Variants in SEC16B observed in about 807,000 individuals in gnomAD.
SEC16B encodes the protein protein transport protein Sec16B.
In SEC16B, 115 loss-of-function variants were observed where a neutral mutation model predicts 141.8. The observed-to-expected ratio is 0.81, with a 90% CI of 0.70 to 0.95. SEC16B has a LOEUF of 0.95. Ranked by LOEUF, SEC16B falls within the 40% of genes least tolerant of loss-of-function variation. The pLI, the probability that SEC16B is intolerant of heterozygous loss-of-function variation, is 0.00. For synonymous variants in SEC16B, 493 were observed against 492.5 expected (o/e 1.00, Z -0.01); for missense variants, 1,291 against 1,312.3 (o/e 0.98, Z 0.25).
intron 1 of SEC16B, among the ~76,000 whole-genome samples, chr1:177,978,730 A>C (rs1318273650): frequency 6.9e-6 from 1 of 145,132 alleles, no homozygotes; most frequent in African/African-American, 2.5e-5. Flanking sequence ...TAAATAAATA[A>C]ATAAATAAAT....
At chr1:177,976,061 G>A (rs1454852389) in intron 1 of SEC16B, among the ~76,000 whole-genome samples, 2 of 152,212 alleles carry the variant, frequency 1.3e-5, no homozygotes, top group Admixed American at 6.5e-5. Flanking sequence ...AACCTTAGGA[G>A]TGAAGGTTTA....
At chr1:177,940,837 T>C (rs1651221179) in intron 16 of SEC16B, 123 bp from the exon 17 acceptor site, 6 of 583,278 alleles carry the variant, frequency 1.0e-5, no homozygotes, top group South Asian at 1.0e-4. Flanking sequence ...GAGCCTTAAC[T>C]AACTTGTAAA....
At chr1:177,943,797 C>T (rs77146124) in intron 15 of SEC16B, among the ~76,000 whole-genome samples, 28,236 of 152,128 alleles carry the variant, frequency 0.19, 2,742 homozygotes, top group Middle Eastern at 0.24. Context: ...GAAACTAACT[C>T]GATTTCATGC....
chr1:177,964,664 G>C (rs1009167495), intron 4 of SEC16B, among the ~76,000 whole-genome samples: 1 of 152,208 alleles, frequency 6.6e-6, no homozygotes, highest in Non-Finnish European at 1.5e-5. Flanking sequence ...CCCATTCTCA[G>C]GGCTCAGGCG....
At position 177,951,351 on chromosome 1, in the gene SEC16B, T is replaced by C. The variant is rs144153737; in HGVS notation, c.1545+563A>G. 2.1e-3 allele frequency among the ~76,000 whole-genome samples: 321 copies of C among 152,272 alleles called. 1 individual carries two copies. The highest frequency in any genetic ancestry group is 7.6e-3 in the African/African-American group (315 of 41,562). On this transcript the variant is annotated intron_variant, in intron 12 of 25. Coordinates refer to ENST00000308284, the MANE Select transcript of SEC16B (RefSeq NM_033127.4). ...CTGGACGTCAAAGGTAAGGAAGGAA[T>C]ACTTTGGGGCCAAAAGATCAAGTCT...
chr1:177,933,615 G>A lies in SEC16B; in HGVS notation c.2593C>T (p.Arg865Ter), dbSNP rs1365375378. The A allele has an allele frequency of 3.4e-5, 55 of 1,613,750 alleles. No individual in the cohort carries two copies. Among genetic ancestry groups the A allele is most frequent in the Non-Finnish European group, 4.2e-5 (50 of 1,179,838 alleles). Residue 865 changes from arginine (R) to a stop codon, truncating the protein, a stop_gained, in exon 21 of 26, where the codon CGA becomes TGA. Transcript: ENST00000308284. LOFTEE classifies it high-confidence loss of function. ...CTGGCGGAACTCTCAGAAATACTTC[G>A]TGGTCTAGCAGCCAATGGTGTCTGG... ...KPQTPLAARP[R>*]SISESSASSA... is the part of the protein sequence containing the mutation.
intron 17 of SEC16B, among the ~76,000 whole-genome samples, chr1:177,940,123 GA>G (rs1233071203): frequency 1.3e-5 from 2 of 152,152 alleles, no homozygotes; most frequent in African/African-American, 4.8e-5. Flanking sequence ...AGCAGAATGG[GA>G]AAAAGAAAAT....
upstream of SEC16B, among the ~76,000 whole-genome samples, chr1:177,970,761 G>A (rs1429081192): frequency 7.2e-5 from 11 of 152,090 alleles, no homozygotes; most frequent in Non-Finnish European, 1.0e-4. Context: ...TAAGGTAAAC[G>A]CAGAAAAGCA....
At chr1:177,970,563 G>A (rs1016054846), upstream of SEC16B, among the ~76,000 whole-genome samples, 63 of 152,126 alleles carry the variant, frequency 4.1e-4, no homozygotes, top group African/African-American at 1.5e-3. Flanking sequence ...GCAAACACCT[G>A]GTTTGCCCAG....
chr1:177,974,867 C>T (rs1393965753), upstream of SEC16B, among the ~76,000 whole-genome samples: 79 of 152,174 alleles, frequency 5.2e-4, 1 homozygote, highest in Non-Finnish European at 1.5e-5. Flanking sequence ...AGAAACAAAT[C>T]TCAGAGAAAA....
chr1:177,948,490 A>G (rs748557294), intron 12 of SEC16B: 1 of 1,304,272 alleles, frequency 7.7e-7, no homozygotes, highest in South Asian at 1.2e-5. Flanking sequence ...CACTTTAAGA[A>G]TAAGAAAATC....
chr1:177,958,368 A>G lies in SEC16B; in HGVS notation c.1135-6T>C. The G allele has an allele frequency of 6.4e-7, 1 of 1,561,846 alleles. No individual in the cohort carries two copies. Among genetic ancestry groups the G allele is most frequent in the Non-Finnish European group, 8.7e-7 (1 of 1,152,544 alleles). Reference sequence around the variant, plus strand: ...ATGTCAGACCCCACCATGGACTGTAAGGCAAAGAGGATCATCTGGGGAGAA... The same window carrying G: ...ATGTCAGACCCCACCATGGACTGTAGGGCAAAGAGGATCATCTGGGGAGAA... On this transcript the variant is annotated splice_polypyrimidine_tract_variant and splice_region_variant and intron_variant, in intron 9 of 25. Coordinates refer to ENST00000308284, the MANE Select transcript of SEC16B (RefSeq NM_033127.4).
At chr1:177,964,318 G>A in intron 4 of SEC16B, 39 bp from the exon 5 acceptor site, 2 of 1,471,546 alleles carry the variant, frequency 1.4e-6, no homozygotes, top group African/African-American at 1.4e-5. Flanking sequence ...GGGGTCCTGG[G>A]CAAGCCAGCA....
At chr1:177,978,908 C>A (rs1164784406) in intron 1 of SEC16B, among the ~76,000 whole-genome samples, 1 of 152,112 alleles carries the variant, frequency 6.6e-6, no homozygotes, top group Non-Finnish European at 1.5e-5. Flanking sequence ...TGTCGCTCAT[C>A]ATAATAATCC....
chr1:177,953,044 C>A (rs1652328865), intron 11 of SEC16B, among the ~76,000 whole-genome samples: 1 of 138,148 alleles, frequency 7.2e-6, no homozygotes. Context: ...TTGCTCTTGT[C>A]ACCCAGGCTG....
chr1:177,956,124 A>G (rs1170876089), intron 10 of SEC16B, among the ~76,000 whole-genome samples: 1 of 152,208 alleles, frequency 6.6e-6, no homozygotes. Flanking sequence ...GTGATTGGAA[A>G]AAATTTTTTT....
At chr1:177,943,408 A>G (rs1216245036) in intron 15 of SEC16B, among the ~76,000 whole-genome samples, 1 of 152,256 alleles carries the variant, frequency 6.6e-6, no homozygotes, top group Non-Finnish European at 1.5e-5. Flanking sequence ...CTGCACATTC[A>G]GCACATGCAT....
Position 177,960,236 on chromosome 1 carries a change from A to T in SEC16B, c.998+106T>A, listed in dbSNP as rs866847802. 16 of 774,652 alleles carry T rather than the reference A, an allele frequency of 2.1e-5. No individual in the cohort carries two copies. In the Middle Eastern group the frequency reaches 6.8e-4, roughly 33 times the overall value. 48.0% of individuals were successfully genotyped at this position (774,652 alleles called of 1,614,324 possible). A position where few individuals can be genotyped will look rare whatever the true frequency, so the allele number is the denominator to read the frequency against. Reference sequence around the variant, plus strand: ...GAATTCCACTCCAACAAGGACAGATATTTTTTTCCAAGGAAACCAAGAACA... The same window carrying T: ...GAATTCCACTCCAACAAGGACAGATTTTTTTTTCCAAGGAAACCAAGAACA... On this transcript the variant is annotated intron_variant, in intron 8 of 25. Transcript: ENST00000308284.
At chr1:177,932,593 G>A in intron 23 of SEC16B, 24 bp from the exon 24 acceptor site, 2 of 1,539,900 alleles carry the variant, frequency 1.3e-6, no homozygotes, top group Non-Finnish European at 1.7e-6. Flanking sequence ...AGGCAGAGCT[G>A]TTTCCTCTGC....
Sources: gnomAD v4.1 joint callset for allele counts (sites outside exome capture counted in the v4.1 genomes callset) on GRCh38, gnomAD v4.1.1 for gene constraint, MANE v1.5 for transcripts, NCBI Gene and HGNC (gene_info 2026-07-23, HGNC 2026-07-21) for gene names.